The following CA10 variants were observed in gnomAD, a reference collection of about 807,000 sequenced individuals.
CA10 encodes the protein carbonic anhydrase-related protein 10.
CA10 carries 14 observed loss-of-function variants against 44.2 expected under a neutral mutation model. That is an observed-to-expected ratio of 0.32 (90% CI 0.21 to 0.50). The LOEUF is 0.50. CA10 is among the 20% of genes least tolerant of loss of function. The probability of loss-of-function intolerance (pLI) is 0.99; values close to 1 mark genes in which losing one functional copy is unlikely to be tolerated. For missense variants in CA10, 350 were observed against 409.7 expected (o/e 0.85, Z 1.26); for synonymous variants, 159 against 141.6 (o/e 1.12, Z -0.87).
intron 2 of CA10, among the ~76,000 whole-genome samples, chr17:52,034,574 C>T (rs1986562792): frequency 6.6e-6 from 1 of 151,978 alleles, no homozygotes; most frequent in African/African-American, 2.4e-5. Flanking sequence ...ATAGGAGTCC[C>T]CTCTATTTTA....
intron 3 of CA10, among the ~76,000 whole-genome samples, chr17:51,853,300 G>A (rs1342680893): frequency 2.0e-5 from 3 of 152,152 alleles, no homozygotes; most frequent in Non-Finnish European, 2.9e-5. Flanking sequence ...ATTGCCACCC[G>A]GTGTCCCTGA....
chr17:51,655,108 A>G (rs888916613), intron 4 of CA10, among the ~76,000 whole-genome samples: 1 of 152,192 alleles, frequency 6.6e-6, no homozygotes, highest in African/African-American at 2.4e-5. Flanking sequence ...TCTGAACTTG[A>G]TTTTTTAAAA....
intron 1 of CA10, among the ~76,000 whole-genome samples, chr17:52,141,497 C>T (rs1481140242): frequency 6.6e-6 from 1 of 152,180 alleles, no homozygotes; most frequent in East Asian, 1.9e-4. Flanking sequence ...AACTGTTTCT[C>T]AGAAATGTTT....
chr17:51,913,648 A>G (rs920335784), intron 3 of CA10, among the ~76,000 whole-genome samples: 33 of 49,204 alleles, frequency 6.7e-4, no homozygotes, highest in African/African-American at 3.5e-3. Context: ...GGAGTGTTAG[A>G]GAAGTCCGAA....
chr17:51,909,466 C>G (rs908579753), intron 3 of CA10, among the ~76,000 whole-genome samples: 2 of 152,114 alleles, frequency 1.3e-5, no homozygotes, highest in African/African-American at 4.8e-5. Context: ...TCAGTGTCCT[C>G]TGCTCTTTTT....
At chr17:52,012,183 A>G (rs1384484336) in intron 2 of CA10, among the ~76,000 whole-genome samples, 1 of 152,052 alleles carries the variant, frequency 6.6e-6, no homozygotes, top group African/African-American at 2.4e-5. Context: ...ACAGATGAAG[A>G]AACTGAGGGG....
intron 1 of CA10, among the ~76,000 whole-genome samples, chr17:52,139,010 T>C (rs541997410): frequency 6.6e-6 from 1 of 152,162 alleles, no homozygotes; most frequent in South Asian, 2.1e-4. Context: ...AGGTGCCAAG[T>C]ACTTAGTAAA....
chr17:51,820,337 T>A (rs1329535310), intron 3 of CA10, among the ~76,000 whole-genome samples: 11 of 150,394 alleles, frequency 7.3e-5, no homozygotes, highest in Non-Finnish European at 1.6e-4. Context: ...TCAATGTTTG[T>A]CGGATGACTC....
In CA10 at chr17:51,846,444, C is replaced by T. The variant is rs780831334; in HGVS notation, c.279+84546G>A. Among the ~76,000 whole-genome samples, 4 of 152,330 alleles carry T rather than the reference C, an allele frequency of 2.6e-5. No individual in the cohort carries two copies. The South Asian group carries it at 8.3e-4, about 32-fold the overall frequency. ...AAATGCCAGCCAATCTTATGTGCCCCTTGTTGCACAATGATCTAAGTGCTT... is the reference window on the plus strand; with the variant it reads ...AAATGCCAGCCAATCTTATGTGCCCTTTGTTGCACAATGATCTAAGTGCTT... On this transcript the variant is annotated intron_variant, in intron 3 of 8. Coordinates refer to ENST00000451037, the MANE Select transcript of CA10 (RefSeq NM_020178.5).
intron 3 of CA10, among the ~76,000 whole-genome samples, chr17:51,800,223 T>C (rs1906871995): frequency 6.6e-6 from 1 of 152,152 alleles, no homozygotes; most frequent in Non-Finnish European, 1.5e-5. Flanking sequence ...TTGAAAACAT[T>C]ACGTTAAATG....
At chr17:52,108,190 TTTTTTATATATA>T (rs1305856877) in intron 1 of CA10, among the ~76,000 whole-genome samples, 53 of 79,056 alleles carry the variant, frequency 6.7e-4, no homozygotes, top group African/African-American at 1.6e-3. Context: ...TATATATATA[TTTTTTATATATA>T]TATATATATA....
intron 4 of CA10, among the ~76,000 whole-genome samples, chr17:51,658,081 C>G (rs1913861883): frequency 6.6e-6 from 1 of 152,104 alleles, no homozygotes; most frequent in African/African-American, 2.4e-5. Flanking sequence ...GGCAGGCAGT[C>G]TTCCAGGGAG....
chr17:51,858,113 T>C (rs1011671320), intron 3 of CA10, among the ~76,000 whole-genome samples: 2 of 152,202 alleles, frequency 1.3e-5, no homozygotes, highest in African/African-American at 4.8e-5. Context: ...TATATCTCTC[T>C]GGGAACTTCC....
intron 3 of CA10, among the ~76,000 whole-genome samples, chr17:51,843,446 A>G (rs1177885192): frequency 6.6e-6 from 1 of 152,198 alleles, no homozygotes; most frequent in African/African-American, 2.4e-5. Flanking sequence ...GGGACTTTTG[A>G]AGAACAAATT....
chr17:51,835,982 ATGATAATGGTGT>A (rs1432577798), intron 3 of CA10, among the ~76,000 whole-genome samples: 3 of 152,224 alleles, frequency 2.0e-5, no homozygotes, highest in African/African-American at 7.2e-5. Flanking sequence ...GAATAAAGCC[ATGATAATGGTGT>A]TGATGATGAT....
At chr17:52,002,893 A>G (rs1985474443) in intron 2 of CA10, among the ~76,000 whole-genome samples, 1 of 151,956 alleles carries the variant, frequency 6.6e-6, no homozygotes, top group Admixed American at 6.6e-5. Context: ...ATCCCACACA[A>G]TTAGCAAGCT....
intron 1 of CA10, among the ~76,000 whole-genome samples, chr17:52,077,420 A>G (rs999950946): frequency 9.2e-5 from 14 of 152,158 alleles, no homozygotes; most frequent in African/African-American, 3.4e-4. Flanking sequence ...TGAAGCCCAT[A>G]CTATTTCTGT....
At chr17:52,067,965 C>T (rs1172084570) in intron 2 of CA10, among the ~76,000 whole-genome samples, 2 of 152,130 alleles carry the variant, frequency 1.3e-5, no homozygotes, top group Non-Finnish European at 2.9e-5. Flanking sequence ...TTAGATGAGA[C>T]TTTGGACTGT....
chr17:51,715,262 T>C (rs748740573), intron 4 of CA10, among the ~76,000 whole-genome samples: 20 of 152,040 alleles, frequency 1.3e-4, no homozygotes, highest in Non-Finnish European at 2.4e-4. Context: ...ATATACCTAA[T>C]GCTAAATGAC....
Sources: gnomAD v4.1 joint callset for allele counts (sites outside exome capture counted in the v4.1 genomes callset) on GRCh38, gnomAD v4.1.1 for gene constraint, MANE v1.5 for transcripts, NCBI Gene and HGNC (gene_info 2026-07-23, HGNC 2026-07-21) for gene names.